FBXL20: variants seen among roughly 807,000 people sequenced by gnomAD.
FBXL20 encodes F-box and leucine rich repeat protein 20.
A neutral mutation model predicts 64.0 loss-of-function variants in FBXL20; 11 were observed. That is an observed-to-expected ratio of 0.17 (90% CI 0.11 to 0.28). The LOEUF is 0.28. Among genes scored for constraint, FBXL20 ranks in the 10% least tolerant of loss-of-function variants. FBXL20 has a pLI of 1.00. For synonymous variants in FBXL20, 184 were observed against 189.0 expected (o/e 0.97, Z 0.22); for missense variants, 303 against 526.2 (o/e 0.58, Z 4.15).
At chr17:39,343,477 ATAC>A (rs1462446684) in intron 1 of FBXL20, among the ~76,000 whole-genome samples, 3 of 152,196 alleles carry the variant, frequency 2.0e-5, no homozygotes, top group Non-Finnish European at 4.4e-5. Context: ...TACGTGCCAG[ATAC>A]TGTTTCAGAT....
chr17:39,285,840 T>C (rs866350593), intron 6 of FBXL20, among the ~76,000 whole-genome samples: 2 of 152,208 alleles, frequency 1.3e-5, no homozygotes, highest in East Asian at 3.8e-4. Flanking sequence ...TTAACAGCAA[T>C]TGACAACATG....
At chr17:39,317,213 A>T (rs1217990693) in intron 2 of FBXL20, among the ~76,000 whole-genome samples, 1 of 152,134 alleles carries the variant, frequency 6.6e-6, no homozygotes, top group Admixed American at 6.6e-5. Context: ...GAACTTATTA[A>T]AAAAGACAAA....
At chr17:39,343,049 A>C (rs1400436316) in intron 2 of FBXL20, 131 bp downstream of exon 2, 5 of 551,526 alleles carry the variant, frequency 9.1e-6, no homozygotes, top group Non-Finnish European at 1.6e-5. Flanking sequence ...AGATTGTTCA[A>C]AGCAATCAAA....
At chr17:39,401,677 G>A, upstream of FBXL20, 1 of 1,268,178 alleles carries the variant, frequency 7.9e-7, no homozygotes, top group Non-Finnish European at 9.9e-7. Context: ...TGCCAGCAAC[G>A]CCGCTGCTCA....
chr17:39,375,711 G>A (rs541531824), intron 1 of FBXL20, among the ~76,000 whole-genome samples: 58 of 152,090 alleles, frequency 3.8e-4, no homozygotes, highest in Non-Finnish European at 7.5e-4. Context: ...AATTAACCAA[G>A]TCTTGCAATA....
intron 2 of FBXL20, among the ~76,000 whole-genome samples, chr17:39,326,534 T>C (rs2047410301): frequency 6.6e-6 from 1 of 151,804 alleles, no homozygotes; most frequent in Non-Finnish European, 1.5e-5. Context: ...GGTGGGGGGA[T>C]CACCTGAGAC....
chr17:39,378,235 G>GAA (rs1345929309), intron 1 of FBXL20, among the ~76,000 whole-genome samples: 1 of 152,122 alleles, frequency 6.6e-6, no homozygotes, highest in Non-Finnish European at 1.5e-5. Flanking sequence ...GGTATGCATA[G>GAA]AAATTATTTT....
chr17:39,398,443 T>C (rs1050487819), intron 1 of FBXL20, among the ~76,000 whole-genome samples: 7 of 152,144 alleles, frequency 4.6e-5, no homozygotes, highest in Non-Finnish European at 1.0e-4. Context: ...AATAACATAA[T>C]TAAAATATCT....
chr17:39,401,329 C>G, intron 1 of FBXL20, 32 bp downstream of exon 1: 1 of 1,612,284 alleles, frequency 6.2e-7, no homozygotes, highest in Non-Finnish European at 8.5e-7. Context: ...GACCCGCCCT[C>G]CTCACGCCGC....
chr17:39,311,007 C>A (rs559182537), intron 2 of FBXL20, among the ~76,000 whole-genome samples: 10 of 150,898 alleles, frequency 6.6e-5, no homozygotes, highest in Middle Eastern at 3.4e-3. Context: ...AAAAAACACA[C>A]AAAAAATCAG....
intron 1 of FBXL20, among the ~76,000 whole-genome samples, chr17:39,343,820 T>C (rs754398979): frequency 6.6e-6 from 1 of 151,756 alleles, no homozygotes; most frequent in Admixed American, 6.6e-5. Context: ...TTCAGTCTCC[T>C]GGGTAGCTGA....
intron 2 of FBXL20, among the ~76,000 whole-genome samples, chr17:39,305,387 T>C (rs1426530988): frequency 6.6e-6 from 1 of 152,106 alleles, no homozygotes; most frequent in Admixed American, 6.5e-5. Flanking sequence ...CCTGTGCAAA[T>C]AGTTCAGGGA....
chr17:39,368,906 C>T (rs1305060403), intron 1 of FBXL20, among the ~76,000 whole-genome samples: 1 of 152,100 alleles, frequency 6.6e-6, no homozygotes, highest in Non-Finnish European at 1.5e-5. Flanking sequence ...CTGCCCACTT[C>T]GGCCTCCCAA....
chr17:39,344,745 G>A (rs536153598), intron 1 of FBXL20, among the ~76,000 whole-genome samples: 1 of 152,198 alleles, frequency 6.6e-6, no homozygotes, highest in South Asian at 2.1e-4. Flanking sequence ...AGCCAAGATG[G>A]CGCCCCTACA....
intron 9 of FBXL20, among the ~76,000 whole-genome samples, chr17:39,279,265 G>A (rs1008002322): frequency 6.6e-6 from 1 of 152,014 alleles, no homozygotes; most frequent in Admixed American, 6.6e-5. Flanking sequence ...TTGCGAGGCT[G>A]AGGCAGGCAG....
At chr17:39,289,864 T>C (rs1320833691) in intron 6 of FBXL20, among the ~76,000 whole-genome samples, 1 of 151,714 alleles carries the variant, frequency 6.6e-6, no homozygotes, top group African/African-American at 2.4e-5. Flanking sequence ...CCAGGTTTGG[T>C]GGCAAGTGCC....
intron 6 of FBXL20, among the ~76,000 whole-genome samples, chr17:39,294,992 CAT>C (rs2047071913): frequency 6.6e-6 from 1 of 152,136 alleles, no homozygotes; most frequent in African/African-American, 2.4e-5. Flanking sequence ...TTAATGCACT[CAT>C]ATGAGAGACT....
intron 6 of FBXL20, among the ~76,000 whole-genome samples, chr17:39,294,547 G>A (rs1014997495): frequency 6.6e-6 from 1 of 152,068 alleles, no homozygotes; most frequent in African/African-American, 2.4e-5. Context: ...GATTACAGGA[G>A]TGAGCCACAG....
intron 6 of FBXL20, among the ~76,000 whole-genome samples, chr17:39,289,261 T>C (rs1408293392): frequency 6.6e-6 from 1 of 152,244 alleles, no homozygotes; most frequent in Non-Finnish European, 1.5e-5. Flanking sequence ...CACATGAATT[T>C]AGAATCAGCC....
Sources: gnomAD v4.1 joint callset for allele counts (sites outside exome capture counted in the v4.1 genomes callset) on GRCh38, gnomAD v4.1.1 for gene constraint, MANE v1.5 for transcripts, NCBI Gene and HGNC (gene_info 2026-07-23, HGNC 2026-07-21) for gene names.